Variants in FIBCD1 observed in about 807,000 individuals in gnomAD.
The protein encoded by FIBCD1 is fibrinogen C domain-containing protein 1.
In FIBCD1, 47 loss-of-function variants were observed where a neutral mutation model predicts 45.1. The observed-to-expected ratio is 1.04, with a 90% CI of 0.82 to 1.33. The LOEUF (loss-of-function observed/expected upper bound fraction) is 1.33. FIBCD1 is among the 40% of genes most tolerant of loss of function. The pLI, the probability that FIBCD1 is intolerant of heterozygous loss-of-function variation, is 0.00. For synonymous variants in FIBCD1, 313 were observed against 308.1 expected (o/e 1.02, Z -0.17); for missense variants, 653 against 682.2 (o/e 0.96, Z 0.48).
chr9:130,928,001 C>T (rs553664902), intron 2 of FIBCD1, among the ~76,000 whole-genome samples: 73 of 152,328 alleles, frequency 4.8e-4, no homozygotes, highest in African/African-American at 1.7e-3. Context: ...GATTCCAACC[C>T]AGGCTGCCTG....
At chr9:130,911,915 G>A (rs199554608) in intron 4 of FIBCD1, 27 bp from the exon 5 acceptor site, 17 of 1,548,648 alleles carry the variant, frequency 1.1e-5, no homozygotes, top group Middle Eastern at 1.9e-4. Flanking sequence ...GGGATGGGGC[G>A]TTGGCACCGA....
chr9:130,932,474 C>A (rs557666197), intron 1 of FIBCD1, among the ~76,000 whole-genome samples: 1 of 152,346 alleles, frequency 6.6e-6, no homozygotes, highest in Non-Finnish European at 1.5e-5. Context: ...ACAATTTACT[C>A]CAGCCAGACC....
intron 4 of FIBCD1, among the ~76,000 whole-genome samples, chr9:130,918,902 T>G (rs994519034): frequency 6.6e-6 from 1 of 152,166 alleles, no homozygotes; most frequent in Non-Finnish European, 1.5e-5. Context: ...GGCAATCAAG[T>G]CAATGCGTAA....
chr9:130,911,458 A>T (rs111820963), intron 5 of FIBCD1, among the ~76,000 whole-genome samples: 1,917 of 152,210 alleles, frequency 0.013, 46 homozygotes, highest in African/African-American at 0.044. Flanking sequence ...GCTGCCTGGG[A>T]TGCTGCTGAC....
chr9:130,920,294 G>A (rs1308400775), intron 4 of FIBCD1, among the ~76,000 whole-genome samples: 1 of 151,986 alleles, frequency 6.6e-6, no homozygotes, highest in Non-Finnish European at 1.5e-5. Context: ...CTACAAGGCA[G>A]AGCCAGATCC....
intron 4 of FIBCD1, among the ~76,000 whole-genome samples, chr9:130,912,392 CAAAAAAAAAAAAAAAA>C (rs61490832): frequency 1.3e-5 from 1 of 75,740 alleles, no homozygotes; most frequent in East Asian, 3.6e-4. Flanking sequence ...GGCTCTCTCT[CAAAAAAAAAAAAAAAA>C]AAAAAAAAGT....
chr9:130,938,057 G>A (rs1329857034), intron 1 of FIBCD1: 1 of 153,626 alleles, frequency 6.5e-6, no homozygotes, highest in Non-Finnish European at 1.4e-5. Flanking sequence ...CTGTATGCAG[G>A]GCCCTGGCTA....
At chr9:130,906,548 T>A (rs1447206476) in intron 5 of FIBCD1, among the ~76,000 whole-genome samples, 1 of 152,180 alleles carries the variant, frequency 6.6e-6, no homozygotes, top group Non-Finnish European at 1.5e-5. Context: ...CCCAAGGACC[T>A]GCCAGGGCAT....
chr9:130,910,018 C>T (rs901181718), intron 5 of FIBCD1, among the ~76,000 whole-genome samples: 3 of 152,344 alleles, frequency 2.0e-5, no homozygotes, highest in South Asian at 4.1e-4. Flanking sequence ...CCCACTTTGG[C>T]GGCACTTGAG....
At chr9:130,913,059 C>T (rs1312018436) in intron 4 of FIBCD1, among the ~76,000 whole-genome samples, 3 of 152,022 alleles carry the variant, frequency 2.0e-5, no homozygotes, top group Admixed American at 1.3e-4. Context: ...TACCAACGAG[C>T]GCCTGGGCTG....
At position 130,922,597 on chromosome 9, in the gene FIBCD1, C is replaced by T. The variant is rs1358040913; in HGVS notation, c.849+1147G>A. On this transcript the variant is annotated intron_variant, in intron 4 of 6. Transcript: ENST00000372338. This position sits in a 1 kb window ranked among gnomAD's most constrained non-coding sequence, Gnocchi z 4.5. ...TCTGCTGTCGGGGTCCCATCATAGA[C>T]CTGTGGACTGAACGGTCGAAACACC... is the stretch of plus-strand genomic sequence containing the variant. Among the ~76,000 whole-genome samples the T allele has an allele frequency of 6.6e-6, 1 of 152,084 alleles. No individual in the cohort carries two copies. The highest frequency in any genetic ancestry group is 2.4e-5 in the African/African-American group (1 of 41,380).
At chr9:130,931,810 G>A (rs140974801) in intron 1 of FIBCD1, among the ~76,000 whole-genome samples, 154 of 152,380 alleles carry the variant, frequency 1.0e-3, no homozygotes, top group African/African-American at 3.5e-3. Context: ...CTCTGGGCCA[G>A]GCCCCTCCTA....
Position 130,938,653 on chromosome 9 carries a change from G to A in FIBCD1, c.-46C>T, listed in dbSNP as rs1168343702. 2.3e-6 allele frequency: 3 copies of A among 1,299,504 alleles called. No individual in the cohort carries two copies. The highest frequency in any genetic ancestry group is 1.9e-5 in the South Asian group (1 of 54,020). 80.5% of individuals were successfully genotyped at this position (1,299,504 alleles called of 1,614,324 possible). A position where few individuals can be genotyped will look rare whatever the true frequency, so the allele number is the denominator to read the frequency against. ...GGCGCCGGGCGAGGCGCGCCGCTGCGGAGCGCAAAGGAGACGGGGTGGGCG... is the reference window on the plus strand; with the variant it reads ...GGCGCCGGGCGAGGCGCGCCGCTGCAGAGCGCAAAGGAGACGGGGTGGGCG... On this transcript the variant is annotated 5_prime_UTR_variant, in exon 1 of 7. Transcript: ENST00000372338.
In FIBCD1 at chr9:130,911,792, C is replaced by T. The variant is rs751371909; in HGVS notation, c.946G>A (p.Gly316Arg). Residue 316 changes from glycine to arginine, a missense_variant and splice_region_variant, in exon 5 of 7, where the codon GGG becomes AGG. Transcript: ENST00000372338. ...GCCGGATGGTGGGTGGGGTGCTCAC[C>T]TAGCCAGTGCTCCCCGGTGAGCCTG... ...FGRLTGEHWLGLKRIHALTTQ... is the reference protein window; with the variant it reads ...FGRLTGEHWLRLKRIHALTTQ... 3.1e-6 allele frequency: 5 copies of T among 1,597,592 alleles called. No individual in the cohort carries two copies. Among genetic ancestry groups the T allele is most frequent in the East Asian group, 2.3e-5 (1 of 43,584 alleles).
chr9:130,933,727 T>TGGGG (rs1179362614), intron 1 of FIBCD1: 7 of 51,456 alleles, frequency 1.4e-4, no homozygotes, highest in Admixed American at 1.7e-4. Context: ...GGCGGGCGGG[T>TGGGG]GGGGGGGGGG....
At chr9:130,911,400 C>T (rs558715204) in intron 5 of FIBCD1, among the ~76,000 whole-genome samples, 13 of 152,204 alleles carry the variant, frequency 8.5e-5, no homozygotes, top group African/African-American at 2.9e-4. Flanking sequence ...TGCCTGGTGT[C>T]CCTGGCACCC....
At chr9:130,935,533 G>A (rs527691483) in intron 1 of FIBCD1, among the ~76,000 whole-genome samples, 86 of 152,370 alleles carry the variant, frequency 5.6e-4, no homozygotes, top group African/African-American at 2.0e-3. Flanking sequence ...ATAGGGCTGG[G>A]ACAGATGGGG....
At chr9:130,918,772 A>C (rs536213074) in intron 4 of FIBCD1, among the ~76,000 whole-genome samples, 1 of 152,304 alleles carries the variant, frequency 6.6e-6, no homozygotes, top group East Asian at 1.9e-4. Context: ...GTCAGGAACA[A>C]GGCAGAGCTG....
chr9:130,919,241 G>A (rs1047058375), intron 4 of FIBCD1, among the ~76,000 whole-genome samples: 1 of 152,234 alleles, frequency 6.6e-6, no homozygotes, highest in Admixed American at 6.5e-5. Context: ...CGAAGGAAAT[G>A]TGAGGGTGTT....
Sources: allele counts gnomAD v4.1 joint callset (sites outside exome capture counted in the v4.1 genomes callset), GRCh38; gene constraint gnomAD v4.1.1; non-coding constraint Gnocchi (gnomAD v3.1); transcripts MANE v1.5; gene names NCBI Gene and HGNC (gene_info 2026-07-23, HGNC 2026-07-21).